The following SLFN5 variants were observed in gnomAD, a reference collection of about 807,000 sequenced individuals.
The protein encoded by SLFN5 is schlafen family member 5.
Under a neutral mutation model 48.5 loss-of-function variants are expected in SLFN5, and 34 were observed. The observed-to-expected ratio is 0.70, with a 90% CI of 0.53 to 0.93. SLFN5 has a LOEUF of 0.93. Ranked by LOEUF, SLFN5 falls within the 40% of genes least tolerant of loss-of-function variation. SLFN5 has a pLI of 0.00. For missense variants in SLFN5, 1,006 were observed against 1,071.3 expected (o/e 0.94, Z 0.85); for synonymous variants, 387 against 396.2 (o/e 0.98, Z 0.28).
chr17:35,252,927 G>C (rs2092445651), intron 1 of SLFN5, among the ~76,000 whole-genome samples: 1 of 152,094 alleles, frequency 6.6e-6, no homozygotes, highest in East Asian at 1.9e-4. Context: ...TTTCTAAACA[G>C]CATGCTTATT....
At position 35,259,625 on chromosome 17, in the gene SLFN5, C is replaced by T. The variant is rs1904459931; in HGVS notation, c.935C>T (p.Ser312Phe). 6.2e-7 allele frequency: 1 copy of T among 1,606,694 alleles called. No individual in the cohort carries two copies. Among genetic ancestry groups the T allele is most frequent in the African/African-American group, 1.3e-5 (1 of 74,916 alleles). ...GCGGTGTTTGCCAAAGTGCCTAGTT[C>T]CTGGCAGGTGAAGGACAACCGTGTG... ...CCAVFAKVPSSWQVKDNRVRQ... is the reference protein window; with the variant it reads ...CCAVFAKVPSFWQVKDNRVRQ... Residue 312 changes from serine (S) to phenylalanine (F), a missense_variant, in exon 2 of 5, where the codon TCC becomes TTC. Coordinates refer to ENST00000299977, the MANE Select transcript of SLFN5 (RefSeq NM_144975.4).
rs1285201554 is a variant in SLFN5, at chr17:35,272,618, A to G, written c.*6730A>G. The G allele has an allele frequency of 1.3e-5, 2 of 152,262 alleles. No individual in the cohort carries two copies. Among genetic ancestry groups the G allele is most frequent in the African/African-American group, 4.8e-5 (2 of 41,472 alleles). The allele number at this position is 152,262 out of a possible 1,614,324, so 9.4% of individuals were successfully genotyped here. On this transcript the variant is annotated 3_prime_UTR_variant, in exon 5 of 5. Transcript: ENST00000299977. ...ACAACACACTGGAAAAAGAATTGCA[A>G]TGAATATCACAGCCAAATAGTTAAT...
chr17:35,247,940 G>A (rs1454991065), intron 1 of SLFN5, among the ~76,000 whole-genome samples: 1 of 152,150 alleles, frequency 6.6e-6, no homozygotes, highest in Non-Finnish European at 1.5e-5. Flanking sequence ...CACGGGGAGT[G>A]CTTTCTCTGG....
At chr17:35,261,147 T>C in intron 3 of SLFN5, 51 bp downstream of exon 3, 2 of 1,586,616 alleles carry the variant, frequency 1.3e-6, no homozygotes, top group African/African-American at 1.3e-5. Context: ...TTCATTCATA[T>C]AAAAAATTGA....
At chr17:35,263,722 C>T (rs985643184) in intron 3 of SLFN5, among the ~76,000 whole-genome samples, 1 of 148,192 alleles carries the variant, frequency 6.7e-6, no homozygotes, top group Non-Finnish European at 1.5e-5. Flanking sequence ...ACTTGGGAGG[C>T]TGAGGCAGGA....
intron 1 of SLFN5, among the ~76,000 whole-genome samples, chr17:35,255,989 A>T (rs1256298256): frequency 6.6e-6 from 1 of 152,244 alleles, no homozygotes; most frequent in Non-Finnish European, 1.5e-5. Context: ...TGAACTTCAT[A>T]TAAATGGAAT....
intron 1 of SLFN5, among the ~76,000 whole-genome samples, chr17:35,256,951 C>T (rs765556418): frequency 3.3e-5 from 5 of 152,060 alleles, no homozygotes; most frequent in African/African-American, 1.2e-4. Context: ...GTCGTATCAG[C>T]GGTGGCATTA....
chr17:35,263,784 C>T (rs562006951), intron 3 of SLFN5, among the ~76,000 whole-genome samples: 2 of 131,150 alleles, frequency 1.5e-5, no homozygotes, highest in South Asian at 2.3e-4. Flanking sequence ...GATCGCACCA[C>T]TGGTGCGACA....
chr17:35,247,182 A>C (rs945523544), intron 1 of SLFN5, among the ~76,000 whole-genome samples: 3 of 152,178 alleles, frequency 2.0e-5, no homozygotes, highest in Non-Finnish European at 4.4e-5. Context: ...ATGTTCCCCA[A>C]ACTAATCATA....
chr17:35,250,908 T>A (rs2092440852), intron 1 of SLFN5, among the ~76,000 whole-genome samples: 1 of 152,232 alleles, frequency 6.6e-6, no homozygotes. Context: ...TATTCTCTCC[T>A]GATAAAGATT....
chr17:35,255,200 G>T (rs1311765925), intron 1 of SLFN5, among the ~76,000 whole-genome samples: 1 of 152,152 alleles, frequency 6.6e-6, no homozygotes, highest in Admixed American at 6.5e-5. Context: ...AAATCTTATT[G>T]TTAATGGCTC....
At chr17:35,252,026 G>A (rs1283265106) in intron 1 of SLFN5, among the ~76,000 whole-genome samples, 1 of 151,926 alleles carries the variant, frequency 6.6e-6, no homozygotes, top group Non-Finnish European at 1.5e-5. Flanking sequence ...CCACTTGCTG[G>A]CACCAAATTA....
intron 1 of SLFN5, among the ~76,000 whole-genome samples, chr17:35,256,002 T>C (rs1242431621): frequency 6.6e-6 from 1 of 152,272 alleles, no homozygotes; most frequent in African/African-American, 2.4e-5. Flanking sequence ...AATGGAATCA[T>C]AATAGATGTA....
chr17:35,254,255 C>G (rs1221044127), intron 1 of SLFN5, among the ~76,000 whole-genome samples: 2 of 152,120 alleles, frequency 1.3e-5, no homozygotes, highest in African/African-American at 2.4e-5. Flanking sequence ...TACTCTCCAC[C>G]CTCTCAGTTT....
In SLFN5 at chr17:35,265,698, TC is replaced by T. The variant is rs1180285091; in HGVS notation, c.2487del (p.Ile829MetfsTer8). ...GAGGAGTCTGATCTGTTACTACAGATCGGTGATGCGTCGGATGTTCTAACCG... is the reference window on the plus strand; with the variant it reads ...GAGGAGTCTGATCTGTTACTACAGATGGTGATGCGTCGGATGTTCTAACCG... The part of the protein sequence containing the change: ...LHEESDLLLQ[I>X]GDASDVLTDH... On this transcript the variant is annotated frameshift_variant, in exon 5 of 5. Coordinates refer to ENST00000299977, the MANE Select transcript of SLFN5 (RefSeq NM_144975.4). LOFTEE classifies it low-confidence loss of function (END_TRUNC). 1.9e-6 allele frequency: 3 copies of T among 1,614,054 alleles called. No individual in the cohort carries two copies. The Admixed American group carries it at 5.0e-5, about 27-fold the overall frequency.
At position 35,267,190 on chromosome 17, in the gene SLFN5, A is replaced by G. The variant is rs905736781; in HGVS notation, c.*1302A>G. The G allele has an allele frequency of 3.3e-5, 5 of 152,340 alleles. No individual in the cohort carries two copies. Among genetic ancestry groups the G allele is most frequent in the Admixed American group, 1.3e-4 (2 of 15,298 alleles). The allele number at this position is 152,340 out of a possible 1,614,324, so 9.4% of individuals were successfully genotyped here. On this transcript the variant is annotated 3_prime_UTR_variant, in exon 5 of 5. Transcript: ENST00000299977. ...CTGCAAATCACTAGTAAGTAGAGAC[A>G]CATTTAAGATAAAATGATTAATAAA...
rs1049330682 is a variant in SLFN5 at position 35,269,487 on chromosome 17, A to T, written c.*3599A>T. ...ATAAAACCAGGGTTTGGATCATTTT[A>T]AAAAAACAAACAAAAATAATTTATT... On this transcript the variant is annotated 3_prime_UTR_variant, in exon 5 of 5. Transcript: ENST00000299977. 1 of 152,106 alleles carries T rather than the reference A, an allele frequency of 6.6e-6. No individual in the cohort carries two copies. Among genetic ancestry groups the T allele is most frequent in the African/African-American group, 2.4e-5 (1 of 41,410 alleles). The allele number at this position is 152,106 out of a possible 1,614,324, so 9.4% of individuals were successfully genotyped here.
At chr17:35,263,771 C>T (rs767640846) in intron 3 of SLFN5, among the ~76,000 whole-genome samples, 5 of 132,198 alleles carry the variant, frequency 3.8e-5, no homozygotes, top group South Asian at 2.3e-4. Flanking sequence ...TGCAGTGAGC[C>T]GAGATCGCAC....
intron 1 of SLFN5, among the ~76,000 whole-genome samples, chr17:35,256,975 A>G (rs11080331): frequency 0.58 from 88,430 of 151,922 alleles, 26,065 homozygotes; most frequent in Middle Eastern, 0.75. Flanking sequence ...TCTCATAGGA[A>G]CATGAACCCT....
Sources: allele counts gnomAD v4.1 joint callset (sites outside exome capture counted in the v4.1 genomes callset), GRCh38; gene constraint gnomAD v4.1.1; transcripts MANE v1.5; gene names NCBI Gene and HGNC (gene_info 2026-07-23, HGNC 2026-07-21).